GRM8: variants seen among roughly 807,000 people sequenced by gnomAD.
GRM8 encodes the protein metabotropic glutamate receptor 8.
A neutral mutation model predicts 87.2 loss-of-function variants in GRM8; 47 were observed. That is an observed-to-expected ratio of 0.54 (90% CI 0.43 to 0.69). The LOEUF (loss-of-function observed/expected upper bound fraction) is 0.69. Among genes scored for constraint, GRM8 ranks in the 30% least tolerant of loss-of-function variants. GRM8 has a pLI of 0.00. For missense variants in GRM8, 1,019 were observed against 1,139.2 expected (o/e 0.89, Z 1.52); for synonymous variants, 396 against 404.5 (o/e 0.98, Z 0.25).
intron 6 of GRM8, among the ~76,000 whole-genome samples, chr7:126,818,188 T>C (rs1264822614): frequency 1.3e-5 from 2 of 152,100 alleles, no homozygotes; most frequent in Non-Finnish European, 2.9e-5. Context: ...ATAGAACATA[T>C]ATTAGTCAAA....
chr7:127,237,891 A>G (rs1416278848), intron 2 of GRM8, among the ~76,000 whole-genome samples: 2 of 152,230 alleles, frequency 1.3e-5, no homozygotes, highest in Non-Finnish European at 2.9e-5. Context: ...ATCTTTGCTC[A>G]AAGTAAGACA....
intron 2 of GRM8, among the ~76,000 whole-genome samples, chr7:127,190,442 G>T (rs1287421881): frequency 6.6e-6 from 1 of 152,090 alleles, no homozygotes; most frequent in Non-Finnish European, 1.5e-5. Flanking sequence ...TACTCAGGAT[G>T]CTGAGACAGG....
intron 3 of GRM8, among the ~76,000 whole-genome samples, chr7:127,105,982 T>C (rs185671782): frequency 6.6e-5 from 10 of 152,216 alleles, no homozygotes; most frequent in Admixed American, 6.5e-4. Context: ...CACCCTAAGC[T>C]TCAGAGTTTT....
At chr7:126,844,900 C>A (rs746886495) in intron 6 of GRM8, among the ~76,000 whole-genome samples, 33 of 152,212 alleles carry the variant, frequency 2.2e-4, no homozygotes, top group Non-Finnish European at 4.4e-4. Flanking sequence ...CAAATAGTCA[C>A]ATTGGAGGTT....
intron 2 of GRM8, among the ~76,000 whole-genome samples, chr7:127,204,347 G>A (rs1441966050): frequency 4.6e-5 from 7 of 152,184 alleles, no homozygotes; most frequent in Non-Finnish European, 5.9e-5. Context: ...GGTCAGGAAA[G>A]CAGCTTCCCC....
chr7:126,565,914 T>A (rs965426399), intron 8 of GRM8, among the ~76,000 whole-genome samples: 2 of 152,120 alleles, frequency 1.3e-5, no homozygotes, highest in African/African-American at 4.8e-5. Flanking sequence ...TCAGTGAGGA[T>A]GCCAAGAATA....
In GRM8 at chr7:126,902,708, A is replaced by C. The variant is rs763522703; in HGVS notation, c.1019-29T>G. ...TTTCAAAGGAGAAAGGTATGATTTT[A>C]ATATTCTTTCAAAATTAAATATTGT... is the stretch of plus-strand genomic sequence containing the variant. On this transcript the variant is annotated intron_variant, in intron 5 of 10. Transcript: ENST00000339582. 11 of 1,480,058 alleles carry C rather than the reference A, an allele frequency of 7.4e-6. No individual in the cohort carries two copies. In the East Asian group the frequency reaches 2.5e-4, roughly 34 times the overall value. 91.7% of individuals were successfully genotyped at this position (1,480,058 alleles called of 1,614,324 possible).
intron 3 of GRM8, chr7:127,080,864 T>C (rs918612106): frequency 3.3e-5 from 5 of 152,178 alleles, no homozygotes; most frequent in Non-Finnish European, 5.9e-5. Flanking sequence ...GCCAACACAC[T>C]TCCAGACTTC....
chr7:126,459,674 C>T (rs188394240), intron 9 of GRM8, among the ~76,000 whole-genome samples: 79 of 151,460 alleles, frequency 5.2e-4, no homozygotes, highest in East Asian at 3.7e-3. Flanking sequence ...AAACTAATTA[C>T]GGTGGCAATG....
chr7:127,219,772 G>A (rs993180462), intron 2 of GRM8: 6 of 152,144 alleles, frequency 3.9e-5, no homozygotes, highest in South Asian at 2.1e-4. Flanking sequence ...CAAATTCAGC[G>A]ATGTACCCAT....
At chr7:126,677,462 C>T (rs957543248) in intron 7 of GRM8, among the ~76,000 whole-genome samples, 2 of 151,786 alleles carry the variant, frequency 1.3e-5, no homozygotes, top group Non-Finnish European at 2.9e-5. Context: ...AAGAGCCCAT[C>T]AACTGATGAG....
intron 7 of GRM8, among the ~76,000 whole-genome samples, chr7:126,705,043 C>T (rs1810347256): frequency 6.6e-6 from 1 of 152,120 alleles, no homozygotes; most frequent in Non-Finnish European, 1.5e-5. Flanking sequence ...AACCTACTGA[C>T]ATGTGATGTC....
chr7:126,990,416 A>G (rs1812543963), intron 3 of GRM8, among the ~76,000 whole-genome samples: 1 of 152,198 alleles, frequency 6.6e-6, no homozygotes, highest in South Asian at 2.1e-4. Context: ...CTAGGCTTGC[A>G]TTATGTATTT....
chr7:127,141,458 A>T (rs1360426542), intron 2 of GRM8, among the ~76,000 whole-genome samples: 2 of 152,170 alleles, frequency 1.3e-5, no homozygotes, highest in Non-Finnish European at 2.9e-5. Flanking sequence ...AGGATTAGAA[A>T]ATGTACAGAA....
intron 9 of GRM8, among the ~76,000 whole-genome samples, chr7:126,476,821 GA>G (rs1805966738): frequency 6.6e-6 from 1 of 151,278 alleles, no homozygotes; most frequent in Non-Finnish European, 1.5e-5. Context: ...TAGCCATTAT[GA>G]AAAACATTAT....
intron 8 of GRM8, among the ~76,000 whole-genome samples, chr7:126,541,300 A>C (rs1373558899): frequency 2.0e-5 from 3 of 152,196 alleles, no homozygotes; most frequent in Non-Finnish European, 4.4e-5. Flanking sequence ...CACATCAGGC[A>C]AAAAACAAAA....
chr7:126,998,233 TC>T (rs1373480239), intron 3 of GRM8, among the ~76,000 whole-genome samples: 3 of 151,868 alleles, frequency 2.0e-5, no homozygotes, highest in African/African-American at 7.2e-5. Context: ...ATTAAAACCC[TC>T]AAGAACTGTA....
At chr7:126,925,528 T>A (rs973821484) in intron 3 of GRM8, among the ~76,000 whole-genome samples, 1 of 152,140 alleles carries the variant, frequency 6.6e-6, no homozygotes. Context: ...TACAAAGACA[T>A]AAAGAAAAAT....
chr7:126,475,322 A>G (rs532106821), intron 9 of GRM8, among the ~76,000 whole-genome samples: 4 of 152,156 alleles, frequency 2.6e-5, no homozygotes, highest in Non-Finnish European at 5.9e-5. Flanking sequence ...TTGAATTTCT[A>G]TACACTAAAT....
Sources: allele counts gnomAD v4.1 joint callset (sites outside exome capture counted in the v4.1 genomes callset), GRCh38; gene constraint gnomAD v4.1.1; transcripts MANE v1.5; gene names NCBI Gene and HGNC (gene_info 2026-07-23, HGNC 2026-07-21).